The following RIMS1 variants were observed in gnomAD, a reference collection of about 807,000 sequenced individuals.
RIMS1 encodes regulating synaptic membrane exocytosis 1.
In RIMS1, 83 loss-of-function variants were observed where a neutral mutation model predicts 214.1. The ratio of observed to expected loss-of-function variants is 0.39; its 90% CI spans 0.32 to 0.47. The LOEUF (loss-of-function observed/expected upper bound fraction) is 0.47. Ranked by LOEUF, RIMS1 falls within the 20% of genes least tolerant of loss-of-function variation. The pLI, the probability that RIMS1 is intolerant of heterozygous loss-of-function variation, is 0.99. For missense variants in RIMS1, 2,050 were observed against 2,161.8 expected, an observed-to-expected ratio of 0.95 and a Z score of 1.03; for synonymous variants, 793 against 786.8, an observed-to-expected ratio of 1.01 and a Z score of -0.13.
intron 29 of RIMS1, among the ~76,000 whole-genome samples, chr6:72,361,992 TATTG>T (rs1261202636): frequency 1.3e-5 from 2 of 152,026 alleles, no homozygotes; most frequent in African/African-American, 4.8e-5. Flanking sequence ...TATTGTATTG[TATTG>T]TATTGTATTG....
At chr6:72,121,616 C>T (rs1001298502) in intron 4 of RIMS1, among the ~76,000 whole-genome samples, 3 of 151,844 alleles carry the variant, frequency 2.0e-5, no homozygotes, top group African/African-American at 7.2e-5. Flanking sequence ...AATTTGACTT[C>T]CTCTTTTCCT....
intron 28 of RIMS1, among the ~76,000 whole-genome samples, chr6:72,333,309 G>A: frequency 6.6e-6 from 1 of 151,924 alleles, no homozygotes; most frequent in South Asian, 2.1e-4. Flanking sequence ...AAATTGGTCA[G>A]TAACATTCAT....
chr6:72,035,133 T>A (rs1819254360), intron 2 of RIMS1, among the ~76,000 whole-genome samples: 2 of 152,112 alleles, frequency 1.3e-5, no homozygotes, highest in African/African-American at 4.8e-5. Flanking sequence ...AAAAAGGGAT[T>A]ATGGTAATGA....
At chr6:72,292,425 C>T (rs2093532862) in intron 26 of RIMS1, among the ~76,000 whole-genome samples, 1 of 152,190 alleles carries the variant, frequency 6.6e-6, no homozygotes. Context: ...AACACTTAAT[C>T]ATACTGAATC....
chr6:72,131,442 G>T (rs140194444), intron 4 of RIMS1, among the ~76,000 whole-genome samples: 1 of 152,116 alleles, frequency 6.6e-6, no homozygotes, highest in Admixed American at 6.5e-5. Context: ...AAAGCTGGGC[G>T]TCCGGGGGAG....
At chr6:71,968,461 C>T (rs1229288074) in intron 1 of RIMS1, among the ~76,000 whole-genome samples, 2 of 152,092 alleles carry the variant, frequency 1.3e-5, no homozygotes, top group Non-Finnish European at 2.9e-5. Flanking sequence ...ATCTTTTCCT[C>T]CCCTCCTAGC....
chr6:72,000,128 C>T (rs1193423122), intron 2 of RIMS1, among the ~76,000 whole-genome samples: 3 of 151,778 alleles, frequency 2.0e-5, no homozygotes, highest in African/African-American at 7.3e-5. Flanking sequence ...TACAATTTAC[C>T]CTATCCTTCT....
intron 1 of RIMS1, among the ~76,000 whole-genome samples, chr6:71,925,426 T>C (rs540437903): frequency 6.6e-6 from 1 of 152,324 alleles, no homozygotes; most frequent in Admixed American, 6.5e-5. Flanking sequence ...TTAAATGTTA[T>C]TTTCCTTTTT....
chr6:72,154,914 T>G (rs2044235700), intron 4 of RIMS1, among the ~76,000 whole-genome samples: 1 of 140,362 alleles, frequency 7.1e-6, no homozygotes, highest in African/African-American at 2.5e-5. Flanking sequence ...ATAATCATCA[T>G]AGCCGAATGG....
intron 2 of RIMS1, among the ~76,000 whole-genome samples, chr6:72,035,868 A>G (rs1819486736): frequency 6.6e-6 from 1 of 152,192 alleles, no homozygotes; most frequent in South Asian, 2.1e-4. Context: ...TATTTATCTC[A>G]GTAATACTTT....
At chr6:72,114,650 C>T (rs1218828110) in intron 4 of RIMS1, among the ~76,000 whole-genome samples, 2 of 151,868 alleles carry the variant, frequency 1.3e-5, no homozygotes, top group Non-Finnish European at 2.9e-5. Flanking sequence ...ATAGTAAGCA[C>T]TCAGTGAACT....
chr6:72,060,626 T>C (rs1827611856), intron 2 of RIMS1, among the ~76,000 whole-genome samples: 1 of 152,210 alleles, frequency 6.6e-6, no homozygotes, highest in South Asian at 2.1e-4. Flanking sequence ...CTCAAATTCC[T>C]TCCCATCTGT....
In RIMS1 at chr6:72,206,669, C is replaced by T. The variant is rs542120847; in HGVS notation, c.1678+23520C>T. Among the ~76,000 whole-genome samples, 14 of 152,202 alleles carry T rather than the reference C, an allele frequency of 9.2e-5. 1 individual carries two copies. Among genetic ancestry groups the T allele is most frequent in the African/African-American group, 3.1e-4 (13 of 41,550 alleles). ...TTGCGTATATAGCATAGACTTTTTT[C>T]TTCCATAGTTTCCAGTACCTTGATC... On this transcript the variant is annotated intron_variant, in intron 6 of 33. Coordinates refer to ENST00000521978, the MANE Select transcript of RIMS1 (RefSeq NM_014989.7).
intron 4 of RIMS1, among the ~76,000 whole-genome samples, chr6:72,177,592 TATTAGTCTGAGAA>T (rs2047888912): frequency 6.6e-6 from 1 of 152,234 alleles, no homozygotes; most frequent in South Asian, 2.1e-4. Flanking sequence ...AGTTGCTTAC[TATTAGTCTGAGAA>T]ATACAAATTT....
At chr6:72,167,428 G>A (rs926453831) in intron 4 of RIMS1, among the ~76,000 whole-genome samples, 1 of 151,886 alleles carries the variant, frequency 6.6e-6, no homozygotes. Flanking sequence ...TAGTATTAGG[G>A]CTAAGCTGAT....
At position 72,161,682 on chromosome 6, in the gene RIMS1, A is replaced by G. The variant is rs183841314; in HGVS notation, c.472-17893A>G. 1.1e-4 allele frequency among the ~76,000 whole-genome samples: 15 copies of G among 140,156 alleles called. 2 individuals carry two copies. The East Asian group carries it at 3.0e-3, about 28-fold the overall frequency. The allele number at this position is 140,156 out of a possible 152,430, so 91.9% of individuals were successfully genotyped here. On this transcript the variant is annotated intron_variant, in intron 4 of 33. Transcript: ENST00000521978. Reference sequence around the variant, plus strand: ...TTCAGGAGGAGGTTGTTCAGTATCCATGTAGGTGAGCGGTTTTGAGTGAGT... The same window carrying G: ...TTCAGGAGGAGGTTGTTCAGTATCCGTGTAGGTGAGCGGTTTTGAGTGAGT...
At chr6:72,170,566 A>C (rs1349921011) in intron 4 of RIMS1, among the ~76,000 whole-genome samples, 2 of 152,058 alleles carry the variant, frequency 1.3e-5, no homozygotes, top group East Asian at 3.9e-4. Flanking sequence ...GCTGGTCTCA[A>C]ACTCCTGACC....
intron 6 of RIMS1, among the ~76,000 whole-genome samples, chr6:72,221,068 C>G (rs549878730): frequency 6.6e-6 from 1 of 152,098 alleles, no homozygotes; most frequent in African/African-American, 2.4e-5. Flanking sequence ...AATAGTCTTT[C>G]TGAAGTTTTT....
chr6:72,021,207 AT>A (rs1330553426), intron 2 of RIMS1, among the ~76,000 whole-genome samples: 4 of 152,176 alleles, frequency 2.6e-5, no homozygotes, highest in South Asian at 2.1e-4. Flanking sequence ...TGAGACCATA[AT>A]TTTTTTAAAC....
Sources: gnomAD v4.1 joint callset for allele counts (sites outside exome capture counted in the v4.1 genomes callset) on GRCh38, gnomAD v4.1.1 for gene constraint, MANE v1.5 for transcripts, NCBI Gene and HGNC (gene_info 2026-07-23, HGNC 2026-07-21) for gene names.